Variants in CFAP70 observed in about 807,000 individuals in gnomAD.
CFAP70 encodes cilia- and flagella-associated protein 70.
In CFAP70, 81 loss-of-function variants were observed where a neutral mutation model predicts 137.6. The ratio of observed to expected loss-of-function variants is 0.59; its 90% confidence interval spans 0.49 to 0.71. The LOEUF (loss-of-function observed/expected upper bound fraction) is 0.71. Ranked by LOEUF, CFAP70 falls within the 30% of genes least tolerant of loss-of-function variation. The pLI is 0.00. For missense variants in CFAP70, 976 were observed against 1,226.7 expected (o/e 0.80, Z 3.05); for synonymous variants, 382 against 423.6 (o/e 0.90, Z 1.20).
At chr10:73,274,777 CA>C (rs1235419602) in intron 22 of CFAP70, 183 bp from the exon 24 acceptor site, 2 of 581,784 alleles carry the variant, frequency 3.4e-6, no homozygotes, top group African/African-American at 3.9e-5. Context: ...TACAAGGAGA[CA>C]TTTTTCTAGC....
chr10:73,309,643 C>T (rs2049722350), intron 12 of CFAP70, among the ~76,000 whole-genome samples: 1 of 145,712 alleles, frequency 6.9e-6, no homozygotes. Flanking sequence ...TCTTGTTCAT[C>T]CGTATTTCCT....
At chr10:73,330,613 G>A (rs1040187618) in intron 8 of CFAP70, among the ~76,000 whole-genome samples, 3 of 151,954 alleles carry the variant, frequency 2.0e-5, no homozygotes, top group African/African-American at 7.3e-5. Context: ...AAACAATTTA[G>A]ATACTTATTA....
At chr10:73,352,976 G>C (rs2054392766) in intron 3 of CFAP70, among the ~76,000 whole-genome samples, 1 of 152,026 alleles carries the variant, frequency 6.6e-6, no homozygotes, top group Non-Finnish European at 1.5e-5. Flanking sequence ...GTTACATTTT[G>C]GCAGAAAAGG....
chr10:73,274,404 G>C, intron 23 of CFAP70, 29 bp downstream of exon 24: 8 of 1,583,028 alleles, frequency 5.1e-6, no homozygotes, highest in Non-Finnish European at 6.9e-6. Context: ...CCCAGACCAC[G>C]GGGTTATTCC....
chr10:73,330,819 T>C (rs1382138308), intron 8 of CFAP70, among the ~76,000 whole-genome samples: 1 of 152,188 alleles, frequency 6.6e-6, no homozygotes, highest in Admixed American at 6.5e-5. Flanking sequence ...AAGATCCCTA[T>C]TACACTAATT....
intron 3 of CFAP70, among the ~76,000 whole-genome samples, chr10:73,350,411 T>G (rs2132510168): frequency 6.6e-6 from 1 of 152,346 alleles, no homozygotes; most frequent in East Asian, 1.9e-4. Context: ...GTTGAAATTT[T>G]TTCCATATAC....
intron 5 of CFAP70, among the ~76,000 whole-genome samples, 183 bp downstream of exon 6, chr10:73,344,882 T>C (rs538880561): frequency 6.6e-6 from 1 of 152,156 alleles, no homozygotes; most frequent in African/African-American, 2.4e-5. Flanking sequence ...ATATATAATA[T>C]GTAAATTATA....
chr10:73,285,263 A>AT (rs2047605436), intron 19 of CFAP70, among the ~76,000 whole-genome samples: 3 of 152,236 alleles, frequency 2.0e-5, no homozygotes, highest in Admixed American at 2.0e-4. Flanking sequence ...GGAGACTTCC[A>AT]GTTAAACAGA....
chr10:73,344,023 C>A (rs868101801), intron 5 of CFAP70, among the ~76,000 whole-genome samples: 1 of 150,744 alleles, frequency 6.6e-6, no homozygotes, highest in Non-Finnish European at 1.5e-5. Context: ...ACAATCTTGG[C>A]GCAATCTTGG....
intron 13 of CFAP70, among the ~76,000 whole-genome samples, chr10:73,299,304 C>T (rs2048763032): frequency 6.6e-6 from 1 of 152,046 alleles, no homozygotes; most frequent in Non-Finnish European, 1.5e-5. Flanking sequence ...AACTCCTGGC[C>T]TCAAGCAACC....
chr10:73,323,200 C>A, intron 8 of CFAP70, 103 bp from the exon 10 acceptor site: 1 of 1,130,544 alleles, frequency 8.8e-7, no homozygotes, highest in South Asian at 2.4e-5. Context: ...GAAACTAACT[C>A]AACTACTTAG....
chr10:73,323,337 G>C (rs1271078489), intron 8 of CFAP70, among the ~76,000 whole-genome samples: 2 of 129,748 alleles, frequency 1.5e-5, no homozygotes, highest in Non-Finnish European at 3.2e-5. Flanking sequence ...GGGGCGGGGG[G>C]GGGGCAGCCA....
chr10:73,340,337 CTT>C, intron 6 of CFAP70, among the ~76,000 whole-genome samples: 1 of 152,232 alleles, frequency 6.6e-6, no homozygotes, highest in Non-Finnish European at 1.5e-5. Context: ...TCATCCCATC[CTT>C]TGCCTGAGTC....
chr10:73,346,402 G>A (rs1300953639), intron 4 of CFAP70, among the ~76,000 whole-genome samples: 3 of 151,752 alleles, frequency 2.0e-5, no homozygotes, highest in South Asian at 2.1e-4. Flanking sequence ...TTGGGAGGCC[G>A]GGGCAGGCAT....
chr10:73,314,835 G>A (rs2050203122), intron 9 of CFAP70, among the ~76,000 whole-genome samples: 1 of 151,792 alleles, frequency 6.6e-6, no homozygotes, highest in East Asian at 2.0e-4. Context: ...CAAACTCCTG[G>A]CCTCAATGAT....
At chr10:73,359,763 G>C (rs1243031842), upstream of CFAP70, among the ~76,000 whole-genome samples, 7 of 152,124 alleles carry the variant, frequency 4.6e-5, no homozygotes, top group Non-Finnish European at 8.8e-5. Context: ...ATTTTGGAAT[G>C]CTTCCATGGA....
chr10:73,359,870 T>C (rs1034052158), upstream of CFAP70, among the ~76,000 whole-genome samples: 8 of 151,884 alleles, frequency 5.3e-5, no homozygotes, highest in African/African-American at 1.9e-4. Context: ...GGAGTCTACA[T>C]TGTGAGCCTC....
intron 5 of CFAP70, among the ~76,000 whole-genome samples, chr10:73,343,517 T>C (rs2053453800): frequency 6.6e-6 from 1 of 152,156 alleles, no homozygotes; most frequent in African/African-American, 2.4e-5. Context: ...AAGACCAGCC[T>C]GGCCAACATG....
intron 12 of CFAP70, among the ~76,000 whole-genome samples, chr10:73,303,016 A>G (rs947052719): frequency 6.7e-6 from 1 of 149,200 alleles, no homozygotes. Flanking sequence ...ACCGCCCCCC[A>G]CCACCGGGTA....
Sources: allele counts gnomAD v4.1 joint callset (sites outside exome capture counted in the v4.1 genomes callset), GRCh38; gene constraint gnomAD v4.1.1; transcripts MANE v1.5; gene names NCBI Gene and HGNC (gene_info 2026-07-23, HGNC 2026-07-21).